The following RPAP3 variants were observed in gnomAD, a reference collection of about 807,000 sequenced individuals.
RPAP3 encodes the protein RNA polymerase II associated protein 3, also known as RNA polymerase II-associated protein 3.
RPAP3 carries 58 observed loss-of-function variants against 88.8 expected under a neutral mutation model. The ratio of observed to expected loss-of-function variants is 0.65; its 90% confidence interval spans 0.53 to 0.81. RPAP3 has a LOEUF of 0.81. RPAP3 is among the 40% of genes least tolerant of loss of function. The pLI, the probability that RPAP3 is intolerant of heterozygous loss-of-function variation, is 0.00. For missense variants in RPAP3, 751 were observed against 764.3 expected, an observed-to-expected ratio of 0.98 and a Z score of 0.20; for synonymous variants, 255 against 259.9, an observed-to-expected ratio of 0.98 and a Z score of 0.18.
At position 47,696,417 on chromosome 12, in the gene RPAP3, A is replaced by G. The variant is rs754288693; in HGVS notation, c.418-14T>C. Reference sequence around the variant, plus strand: ...GTATTTATTGCCCTGAAAGAAAATTATATAAAATGATCTTTTTTACAAATT... The same window carrying G: ...GTATTTATTGCCCTGAAAGAAAATTGTATAAAATGATCTTTTTTACAAATT... On this transcript the variant is annotated splice_polypyrimidine_tract_variant and intron_variant, in intron 4 of 16. Transcript: ENST00000005386. 2.0e-6 allele frequency: 3 copies of G among 1,533,514 alleles called. No homozygotes were observed. In the African/African-American group the frequency reaches 4.2e-5, roughly 21 times the overall value. 95.0% of individuals were successfully genotyped at this position (1,533,514 alleles called of 1,614,324 possible).
chr12:47,668,187 C>T (rs1266581422), intron 14 of RPAP3, among the ~76,000 whole-genome samples: 3 of 152,150 alleles, frequency 2.0e-5, no homozygotes, highest in Non-Finnish European at 4.4e-5. Flanking sequence ...AAGAGCAAAA[C>T]TCCGTCCAAA....
chr12:47,680,968 CG>C (rs1939211479), intron 10 of RPAP3, among the ~76,000 whole-genome samples: 1 of 141,106 alleles, frequency 7.1e-6, no homozygotes, highest in Non-Finnish European at 1.5e-5. Context: ...AACAAAAAAA[CG>C]AAACAAAAAA....
intron 12 of RPAP3, among the ~76,000 whole-genome samples, chr12:47,673,159 T>C (rs183935361): frequency 3.3e-4 from 50 of 152,130 alleles, no homozygotes; most frequent in African/African-American, 1.1e-3. Context: ...ACGGTCGTAA[T>C]AGGCCAGGCA....
intron 8 of RPAP3, among the ~76,000 whole-genome samples, chr12:47,687,598 GT>G (rs1166824524): frequency 2.0e-5 from 3 of 152,076 alleles, no homozygotes; most frequent in African/African-American, 7.2e-5. Context: ...TAACTTCTAT[GT>G]TAAATTTATA....
chr12:47,668,891 G>A (rs1938936224), intron 14 of RPAP3, 25 bp downstream of exon 14: 1 of 1,566,590 alleles, frequency 6.4e-7, no homozygotes. Flanking sequence ...ACTTACAACA[G>A]AAGTACTACC....
At chr12:47,670,372 A>T in intron 12 of RPAP3, 27 bp from the exon 13 acceptor site, 1 of 1,333,074 alleles carries the variant, frequency 7.5e-7, no homozygotes, top group Non-Finnish European at 1.1e-6. Context: ...CAATTCCTTA[A>T]ATCAAAATAT....
intron 9 of RPAP3, among the ~76,000 whole-genome samples, chr12:47,683,075 C>T (rs1488434176): frequency 6.6e-6 from 1 of 152,128 alleles, no homozygotes; most frequent in Admixed American, 6.6e-5. Context: ...CCTACTCCCA[C>T]GTCTTTGAAC....
intron 1 of RPAP3, among the ~76,000 whole-genome samples, chr12:47,704,605 T>C (rs1391701237): frequency 1.3e-5 from 2 of 151,770 alleles, no homozygotes; most frequent in African/African-American, 4.8e-5. Flanking sequence ...CTCGAACTCC[T>C]GACCTCAAGT....
At chr12:47,673,762 T>G (rs1038908868) in intron 12 of RPAP3, among the ~76,000 whole-genome samples, 6 of 152,076 alleles carry the variant, frequency 3.9e-5, no homozygotes, top group Admixed American at 2.6e-4. Flanking sequence ...GACTCGGTGA[T>G]TTCATGGGTG....
intron 10 of RPAP3, 21 bp downstream of exon 10, chr12:47,681,675 C>T (rs964486852): frequency 1.9e-5 from 30 of 1,608,408 alleles, no homozygotes; most frequent in Non-Finnish European, 2.5e-5. Flanking sequence ...TGACTGAGTG[C>T]CAGCTGTTAT....
intron 9 of RPAP3, among the ~76,000 whole-genome samples, chr12:47,684,174 C>T (rs983109065): frequency 6.6e-6 from 1 of 152,134 alleles, no homozygotes; most frequent in African/African-American, 2.4e-5. Context: ...CTACATTCCA[C>T]AATTTGCCAG....
intron 9 of RPAP3, among the ~76,000 whole-genome samples, chr12:47,683,795 A>C (rs1242312566): frequency 6.6e-6 from 1 of 152,116 alleles, no homozygotes; most frequent in Non-Finnish European, 1.5e-5. Flanking sequence ...ATTCCTTCTG[A>C]TTTTCAGTCA....
Position 47,681,720 on chromosome 12 carries a change from C to CCAAAA in RPAP3, c.1085_1089dup (p.Gly364PhefsTer5). 6.2e-7 allele frequency: 1 copy of CCAAAA among 1,612,136 alleles called. No homozygotes were observed. Among genetic ancestry groups the CCAAAA allele is most frequent in the Non-Finnish European group, 8.5e-7 (1 of 1,179,210 alleles). On this transcript the variant is annotated frameshift_variant, in exon 10 of 17. Transcript: ENST00000005386. LOFTEE classifies it high-confidence loss of function. ...CCTTGTTTTGCCTCATTTAGCTTTC[C>CCAAAA]CAAAAATGTTCTTGCAGTTCCTCTT...
At chr12:47,703,328 C>A (rs1939695203) in intron 1 of RPAP3, among the ~76,000 whole-genome samples, 1 of 152,162 alleles carries the variant, frequency 6.6e-6, no homozygotes, top group Admixed American at 6.5e-5. Context: ...GGTTTCTCAA[C>A]CTTGGGACTA....
intron 3 of RPAP3, among the ~76,000 whole-genome samples, chr12:47,698,146 C>T (rs1402956448): frequency 1.3e-5 from 2 of 151,926 alleles, no homozygotes; most frequent in South Asian, 2.1e-4. Context: ...TATTTTAAAA[C>T]GAACAAAAAA....
At chr12:47,665,309 G>T (rs1938848143) in intron 16 of RPAP3, among the ~76,000 whole-genome samples, 1 of 150,770 alleles carries the variant, frequency 6.6e-6, no homozygotes, top group Non-Finnish European at 1.5e-5. Flanking sequence ...TAGAGACAGG[G>T]TTGCATCATG....
At chr12:47,703,093 G>T (rs1283751045) in intron 1 of RPAP3, among the ~76,000 whole-genome samples, 1 of 152,186 alleles carries the variant, frequency 6.6e-6, no homozygotes, top group Admixed American at 6.5e-5. Flanking sequence ...AAGGTAATGG[G>T]GAGAAAAATC....
At chr12:47,671,218 G>C (rs892784126) in intron 12 of RPAP3, among the ~76,000 whole-genome samples, 2 of 152,150 alleles carry the variant, frequency 1.3e-5, no homozygotes, top group South Asian at 4.2e-4. Flanking sequence ...GAAATACACT[G>C]AGGAGCTATT....
intron 1 of RPAP3, 29 bp from the exon 2 acceptor site, chr12:47,702,875 A>G (rs1939684002): frequency 6.3e-7 from 1 of 1,588,998 alleles, no homozygotes; most frequent in South Asian, 1.2e-5. Flanking sequence ...CCAACCTCTG[A>G]TAAGAATAGG....
Sources: gnomAD v4.1 joint callset for allele counts (sites outside exome capture counted in the v4.1 genomes callset) on GRCh38, gnomAD v4.1.1 for gene constraint, MANE v1.5 for transcripts, NCBI Gene and HGNC (gene_info 2026-07-23, HGNC 2026-07-21) for gene names.